Variants in PCMTD1 observed in about 807,000 individuals in gnomAD.
PCMTD1 encodes protein-L-isoaspartate (D-aspartate) O-methyltransferase domain containing 1.
In PCMTD1, 12 loss-of-function variants were observed where a neutral mutation model predicts 37.6. That is an observed-to-expected ratio of 0.32 (90% CI 0.20 to 0.52). PCMTD1 has a LOEUF of 0.52. Ranked by LOEUF, PCMTD1 falls within the 20% of genes least tolerant of loss-of-function variation. PCMTD1 has a pLI of 0.97. For synonymous variants in PCMTD1, 117 were observed against 135.8 expected, an observed-to-expected ratio of 0.86 and a Z score of 0.96; for missense variants, 235 against 421.3, an observed-to-expected ratio of 0.56 and a Z score of 3.87.
upstream of PCMTD1, chr8:51,899,047 G>A (rs1282177057): frequency 1.9e-5 from 29 of 1,506,922 alleles, no homozygotes; most frequent in East Asian, 4.0e-4. Flanking sequence ...GGAGAGGCGG[G>A]GCCCGGACCC....
intron 1 of PCMTD1, among the ~76,000 whole-genome samples, chr8:51,889,502 T>A (rs1050336922): frequency 3.3e-5 from 5 of 152,204 alleles, no homozygotes; most frequent in Non-Finnish European, 7.4e-5. Flanking sequence ...TAGATCTATC[T>A]GACACCAAAC....
intron 2 of PCMTD1, chr8:51,860,422 C>G (rs1388982862): frequency 1.3e-5 from 2 of 157,130 alleles, no homozygotes; most frequent in African/African-American, 4.8e-5. Flanking sequence ...TTTCTCCAAT[C>G]TCTTGCTTTA....
At chr8:51,886,876 G>C (rs2038871863) in intron 1 of PCMTD1, among the ~76,000 whole-genome samples, 1 of 152,132 alleles carries the variant, frequency 6.6e-6, no homozygotes, top group Non-Finnish European at 1.5e-5. Context: ...ACTGGGTTAA[G>C]ATCAAGGTGT....
At position 51,861,047 on chromosome 8, in the gene PCMTD1, C is replaced by A; in HGVS notation, c.105G>T (p.Ala35=). The change falls in exon 2 of 6, where the codon GCG becomes GCT. Residue 35 remains alanine (A), a synonymous_variant. Transcript: ENST00000522514. ...CCAAATAGTAATCTCCACGATCAAT[C>A]GCTCTGAAGGCTTGCTCCACTCTTT... is the stretch of plus-strand genomic sequence containing the variant. ...RTERVEQAFR[A]IDRGDYYLEG... The A allele has an allele frequency of 6.2e-7, 1 of 1,614,070 alleles. No homozygotes were observed. Among genetic ancestry groups the A allele is most frequent in the Non-Finnish European group, 8.5e-7 (1 of 1,179,978 alleles).
chr8:51,855,962 T>A (rs1183768575), intron 2 of PCMTD1, among the ~76,000 whole-genome samples: 1 of 152,134 alleles, frequency 6.6e-6, no homozygotes, highest in African/African-American at 2.4e-5. Context: ...CCACCGCGCC[T>A]GGCCCAGAAT....
rs1239913514 is a variant in PCMTD1 at position 51,868,772 on chromosome 8, G to A, written c.-95-7526C>T. On this transcript the variant is annotated intron_variant, in intron 1 of 5. Transcript: ENST00000522514. ...TACATTATTGCTGAATGTGGAAACT[G>A]AATTATAAATTACCTTTTTATTATA... Among the ~76,000 whole-genome samples the A allele has an allele frequency of 2.6e-5, 4 of 152,098 alleles. No individual in the cohort carries two copies. The East Asian group carries it at 5.8e-4, about 22-fold the overall frequency.
At chr8:51,850,610 T>C (rs1394610223) in intron 2 of PCMTD1, among the ~76,000 whole-genome samples, 1 of 152,184 alleles carries the variant, frequency 6.6e-6, no homozygotes. Flanking sequence ...TCCAAATCTC[T>C]GTTCTCATTA....
chr8:51,879,918 C>T (rs2038768054), intron 1 of PCMTD1, among the ~76,000 whole-genome samples: 1 of 151,854 alleles, frequency 6.6e-6, no homozygotes, highest in African/African-American at 2.4e-5. Flanking sequence ...TGCAGTGGCT[C>T]ATGCCTATAA....
intron 3 of PCMTD1, among the ~76,000 whole-genome samples, chr8:51,840,013 T>C (rs1005086163): frequency 2.0e-5 from 3 of 152,368 alleles, no homozygotes; most frequent in Admixed American, 6.5e-5. Context: ...TCAAGGACTC[T>C]TGCAATCAAT....
intron 2 of PCMTD1, among the ~76,000 whole-genome samples, chr8:51,852,655 A>G (rs1316150965): frequency 6.6e-6 from 1 of 152,214 alleles, no homozygotes; most frequent in African/African-American, 2.4e-5. Context: ...ACGAGGTAAA[A>G]TATAGGAGAG....
At chr8:51,886,122 C>T (rs1228167172) in intron 1 of PCMTD1, among the ~76,000 whole-genome samples, 1 of 152,188 alleles carries the variant, frequency 6.6e-6, no homozygotes, top group East Asian at 1.9e-4. Flanking sequence ...GTCTGCTTTT[C>T]TGCAATTTAA....
chr8:51,885,477 G>A (rs967834212), intron 1 of PCMTD1, among the ~76,000 whole-genome samples: 4 of 152,240 alleles, frequency 2.6e-5, no homozygotes, highest in Admixed American at 6.5e-5. Context: ...TGCCTTAGTG[G>A]CTTCATCTAC....
chr8:51,838,524 A>G (rs2038099881), intron 3 of PCMTD1, among the ~76,000 whole-genome samples: 1 of 152,054 alleles, frequency 6.6e-6, no homozygotes, highest in Non-Finnish European at 1.5e-5. Context: ...ATGTTTACTG[A>G]TATTTATATA....
intron 3 of PCMTD1, among the ~76,000 whole-genome samples, chr8:51,842,304 G>GA (rs906793877): frequency 2.2e-4 from 34 of 151,886 alleles, no homozygotes; most frequent in African/African-American, 8.0e-4. Flanking sequence ...CAAAACACAG[G>GA]AATCAAGCTC....
chr8:51,844,710 A>G (rs4587320), intron 3 of PCMTD1: 104,575 of 152,158 alleles, frequency 0.69, 42,395 homozygotes, highest in Non-Finnish European at 0.9. Flanking sequence ...AAGGTTTTTT[A>G]GCTTCTTCTC....
chr8:51,865,166 A>T (rs1019938371), intron 1 of PCMTD1, among the ~76,000 whole-genome samples: 21 of 152,254 alleles, frequency 1.4e-4, no homozygotes, highest in African/African-American at 4.8e-4. Flanking sequence ...ATAACAAGCA[A>T]GAAGACTGAA....
chr8:51,855,075 G>A (rs1414158775), intron 2 of PCMTD1, among the ~76,000 whole-genome samples: 1 of 151,504 alleles, frequency 6.6e-6, no homozygotes, highest in Non-Finnish European at 1.5e-5. Flanking sequence ...TAGGGAGGCT[G>A]AGGCAGGAGA....
intron 1 of PCMTD1, among the ~76,000 whole-genome samples, chr8:51,870,983 A>G (rs913216793): frequency 6.6e-6 from 1 of 152,176 alleles, no homozygotes; most frequent in Non-Finnish European, 1.5e-5. Context: ...GAAAATAATT[A>G]CATCATAAAT....
In PCMTD1 at chr8:51,861,105, T is replaced by C. The variant is rs759289628; in HGVS notation, c.47A>G (p.Asp16Gly). The change falls in exon 2 of 6, where the codon GAT becomes GGT. Residue 16 changes from aspartate (D) to glycine (G), a missense_variant. This residue lies in a region of PCMTD1 where 183 missense variants were observed against 349.3 expected (regional missense o/e 0.52). Transcript: ENST00000522514. ...AATATACTGAGCTTCTTTTAAATTA[T>C]CAATTAAGTCATCATTATCTTCCCC... is the stretch of plus-strand genomic sequence containing the variant. Reference protein sequence around the residue: ...SAGEDNDDLIDNLKEAQYIRT... With the variant: ...SAGEDNDDLIGNLKEAQYIRT... The C allele has an allele frequency of 6.2e-7, 1 of 1,614,064 alleles. No individual in the cohort carries two copies. Among genetic ancestry groups the C allele is most frequent in the East Asian group, 2.2e-5 (1 of 44,876 alleles).
Sources: gnomAD v4.1 joint callset for allele counts (sites outside exome capture counted in the v4.1 genomes callset) on GRCh38, gnomAD v4.1.1 for gene constraint, gnomAD v4.1.1 regional missense constraint, MANE v1.5 for transcripts, NCBI Gene and HGNC (gene_info 2026-07-23, HGNC 2026-07-21) for gene names.